SEMA4B: variants seen among roughly 807,000 people sequenced by gnomAD.
The protein encoded by SEMA4B is semaphorin-4B.
In SEMA4B, 55 loss-of-function variants were observed where a neutral mutation model predicts 88.1. That is an observed-to-expected ratio of 0.62 (90% CI 0.50 to 0.78). SEMA4B has a LOEUF of 0.78. Among genes scored for constraint, SEMA4B ranks in the 30% least tolerant of loss-of-function variants. The pLI is 0.00. For synonymous variants in SEMA4B, 525 were observed against 473.6 expected, an observed-to-expected ratio of 1.11 and a Z score of -1.41; for missense variants, 1,062 against 1,111.9, an observed-to-expected ratio of 0.96 and a Z score of 0.64.
At chr15:90,186,014 A>G (rs1204880935) in intron 1 of SEMA4B, among the ~76,000 whole-genome samples, 1 of 137,712 alleles carries the variant, frequency 7.3e-6, no homozygotes, top group East Asian at 2.1e-4. Context: ...GCTCACCGCA[A>G]CCTCCACCTC....
At chr15:90,205,649 A>G (rs1161057959) in intron 1 of SEMA4B, among the ~76,000 whole-genome samples, 1 of 152,242 alleles carries the variant, frequency 6.6e-6, no homozygotes, top group Non-Finnish European at 1.5e-5. Flanking sequence ...CATCCGTAGT[A>G]AAAAGGTAGC....
chr15:90,220,775 C>T (rs1020307942), intron 4 of SEMA4B, among the ~76,000 whole-genome samples: 13 of 134,390 alleles, frequency 9.7e-5, no homozygotes, highest in Non-Finnish European at 2.0e-4. Flanking sequence ...TGGGTGAGGC[C>T]TCTCCTGAGG....
In SEMA4B at chr15:90,228,153, T is replaced by A. The variant is rs367763584; in HGVS notation, c.2024T>A (p.Val675Glu). The A allele has an allele frequency of 1.9e-5, 31 of 1,610,930 alleles. No homozygotes were observed. In the African/African-American group the frequency reaches 2.5e-4, roughly 13 times the overall value. ...QLVASYCPEV[V>E]EDGVADQTDE... ...GTAGCCAGCTACTGCCCAGAGGTGG[T>A]GGAGGACGGGGTGGCAGACCAAACA... The change falls in exon 14 of 14, where the codon GTG (valine) becomes GAG (glutamate). Residue 675 changes from valine to glutamate, a missense_variant. Physicochemically the swap from Val to Glu is moderately radical, Grantham distance 121. Transcript: ENST00000411539.
rs529433977 is a variant in SEMA4B at position 90,194,166 on chromosome 15, T to C, written c.-121-7292T>C. ...CTGCTTTCAGCCCATAATAGTCTTA[T>C]GGATAATATGGAGAAATGTGGGCTG... On this transcript the variant is annotated intron_variant, in intron 1 of 14. Transcript: ENST00000332496. Among the ~76,000 whole-genome samples, 407 of 152,214 alleles carry C rather than the reference T, an allele frequency of 2.7e-3. 1 individual carries two copies. Among genetic ancestry groups the C allele is most frequent in the African/African-American group, 9.2e-3 (383 of 41,518 alleles).
At position 90,208,538 on chromosome 15, in the gene SEMA4B, G is replaced by A. The variant is rs868564113; in HGVS notation, c.157+6803G>A. On this transcript the variant is annotated intron_variant, in intron 1 of 13. Transcript: ENST00000411539. ...TCTTTGCAGAGCTTTGCACTGCCACGTACTGTGTTTATTTAGTCTTCTCAG... is the reference window on the plus strand; with the variant it reads ...TCTTTGCAGAGCTTTGCACTGCCACATACTGTGTTTATTTAGTCTTCTCAG... Among the ~76,000 whole-genome samples the A allele has an allele frequency of 1.1e-4, 16 of 152,096 alleles. No homozygotes were observed. The East Asian group carries it at 1.2e-3, about 11-fold the overall frequency.
At chr15:90,224,933 T>C (rs1962063155) in intron 9 of SEMA4B, 35 bp from the exon 10 acceptor site, 7 of 1,578,662 alleles carry the variant, frequency 4.4e-6, no homozygotes, top group African/African-American at 1.3e-5. Context: ...CACCCCGAGG[T>C]GTGGCTGGCC....
In SEMA4B at chr15:90,221,669, C is replaced by T. The variant is rs766223255; in HGVS notation, c.765C>T (p.Gly255=). Residue 255 remains glycine, a synonymous_variant, in exon 7 of 14, where the codon GGC becomes GGT. Transcript: ENST00000411539. The part of the protein sequence containing the change: ...YIPESLGSLQ[G]DDDKIYFFFS... Reference sequence around the variant, plus strand: ...CTGAGAGCCTGGGCAGCTTGCAAGGCGATGATGACAAGATCTACTTTTTCT... The same window carrying T: ...CTGAGAGCCTGGGCAGCTTGCAAGGTGATGATGACAAGATCTACTTTTTCT... 5.6e-6 allele frequency: 9 copies of T among 1,613,880 alleles called. No homozygotes were observed. The highest frequency in any genetic ancestry group is 3.3e-5 in the Admixed American group (2 of 60,016).
At chr15:90,217,682 G>A in intron 2 of SEMA4B, 80 bp downstream of exon 2, 2 of 1,605,180 alleles carry the variant, frequency 1.2e-6, no homozygotes, top group Non-Finnish European at 1.7e-6. Flanking sequence ...GACCTTCTGG[G>A]TCCAAGGATG....
intron 1 of SEMA4B, among the ~76,000 whole-genome samples, chr15:90,207,361 A>C (rs1961045538): frequency 6.6e-6 from 1 of 152,122 alleles, no homozygotes; most frequent in East Asian, 1.9e-4. Context: ...CATACTCCTA[A>C]AGAGGAGCCA....
chr15:90,198,643 T>C (rs1207520272), upstream of SEMA4B, among the ~76,000 whole-genome samples: 1 of 150,936 alleles, frequency 6.6e-6, no homozygotes, highest in African/African-American at 2.4e-5. Flanking sequence ...AGGGGGAGAG[T>C]GTGCCAGGTG....
Position 90,201,540 on chromosome 15 carries a change from G to C in SEMA4B, c.-39G>C, listed in dbSNP as rs1026883638. The C allele has an allele frequency of 7.8e-6, 11 of 1,418,358 alleles. No homozygotes were observed. In the African/African-American group the frequency reaches 1.6e-4, roughly 21 times the overall value. 87.9% of individuals were successfully genotyped at this position (1,418,358 alleles called of 1,614,324 possible). ...GCCCGTGAGTCCGGCCGAGCCACCT[G>C]AGCCCGAGCCGCGGGACACCGTCGC... On this transcript the variant is annotated 5_prime_UTR_variant, in exon 1 of 14. Coordinates refer to ENST00000411539, the MANE Select transcript of SEMA4B (RefSeq NM_198925.4).
In SEMA4B at chr15:90,201,713, C is replaced by T. The variant is rs759942870; in HGVS notation, c.135C>T (p.Ser45=). The T allele has an allele frequency of 1.2e-5, 18 of 1,491,102 alleles. No individual in the cohort carries two copies. The Admixed American group carries it at 3.2e-4, about 27-fold the overall frequency. 92.4% of individuals were successfully genotyped at this position (1,491,102 alleles called of 1,614,324 possible). ...CGCCGCCTCCGACCTGGGCGCTCAG[C>T]CCCCGGATCAGCCTGCCTCTGGGTG... The part of the protein sequence containing the change: ...LQPPPPTWAL[S]PRISLPLGSE... Residue 45 remains serine (S), a synonymous_variant, in exon 1 of 14, where the codon AGC becomes AGT. Transcript: ENST00000411539.
intron 1 of SEMA4B, among the ~76,000 whole-genome samples, chr15:90,204,846 G>A (rs961142413): frequency 1.3e-5 from 2 of 152,106 alleles, no homozygotes; most frequent in African/African-American, 2.4e-5. Flanking sequence ...TGCCATCTCC[G>A]CTCACTGCAG....
rs1962389467 is a variant in SEMA4B at position 90,229,402 on chromosome 15, C to T, written c.*759C>T. ...GAAGAGACTGTCGCCTGCCTTCCTC[C>T]GTTGTTGCGTGAGAACCCGTGTGCC... On this transcript the variant is annotated 3_prime_UTR_variant, in exon 14 of 14. Transcript: ENST00000411539. 6 of 456,662 alleles carry T rather than the reference C, an allele frequency of 1.3e-5. No homozygotes were observed. The highest frequency in any genetic ancestry group is 3.1e-5 in the South Asian group (2 of 64,566). 28.3% of individuals were successfully genotyped at this position (456,662 alleles called of 1,614,324 possible).
intron 1 of SEMA4B, among the ~76,000 whole-genome samples, chr15:90,213,878 C>T (rs1163485626): frequency 6.6e-6 from 1 of 152,208 alleles, no homozygotes; most frequent in Non-Finnish European, 1.5e-5. Flanking sequence ...TCTCATTCCT[C>T]CCGTGACATG....
intron 12 of SEMA4B, 24 bp from the exon 13 acceptor site, chr15:90,227,533 C>T: frequency 6.2e-7 from 1 of 1,611,766 alleles, no homozygotes; most frequent in African/African-American, 1.3e-5. Flanking sequence ...CCTGGCCAAT[C>T]CCAGAATTCT....
At chr15:90,217,853 C>G in intron 3 of SEMA4B, 24 bp downstream of exon 3, 5 of 1,600,566 alleles carry the variant, frequency 3.1e-6, no homozygotes, top group Non-Finnish European at 4.3e-6. Flanking sequence ...TGGAAGGGAG[C>G]TGAGCTGCAG....
At position 90,225,390 on chromosome 15, in the gene SEMA4B, C is replaced by T; in HGVS notation, c.1514C>T (p.Thr505Ile). ...GQPVQNLLLD[T>I]HRGLLYAASH... ...CCCGTGCAGAATCTGCTCCTGGACA[C>T]CCACAGGGTGAGCAGGCCAACGAGG... The change falls in exon 11 of 14, where the codon ACC (threonine) becomes ATC (isoleucine). Residue 505 changes from threonine (T) to isoleucine (I), a missense_variant. Physicochemically the swap from Thr to Ile is moderately conservative, Grantham distance 89. Transcript: ENST00000411539. The T allele has an allele frequency of 1.3e-6, 2 of 1,550,844 alleles. No individual in the cohort carries two copies. Among genetic ancestry groups the T allele is most frequent in the Non-Finnish European group, 1.7e-6 (2 of 1,147,542 alleles).
intron 1 of SEMA4B, among the ~76,000 whole-genome samples, chr15:90,191,037 G>T (rs1031089269): frequency 7.2e-5 from 11 of 152,236 alleles, no homozygotes. Flanking sequence ...GAGGCAGACA[G>T]CGCCTCCTGA....
Sources: gnomAD v4.1 joint callset for allele counts (sites outside exome capture counted in the v4.1 genomes callset) on GRCh38, gnomAD v4.1.1 for gene constraint, MANE v1.5 for transcripts, NCBI Gene and HGNC (gene_info 2026-07-23, HGNC 2026-07-21) for gene names.